The following SPIDR variants were observed in gnomAD, a reference collection of about 807,000 sequenced individuals.
SPIDR encodes the protein scaffold protein involved in DNA repair.
A neutral mutation model predicts 104.6 loss-of-function variants in SPIDR; 93 were observed. The ratio of observed to expected loss-of-function variants is 0.89; its 90% CI spans 0.75 to 1.06. The LOEUF (loss-of-function observed/expected upper bound fraction) is 1.06, where lower values mean the gene tolerates loss of function less well. Among genes scored for constraint, SPIDR ranks in the 50% least tolerant of loss-of-function variants. SPIDR has a pLI of 0.00. For missense variants in SPIDR, 1,154 were observed against 1,111.2 expected, an observed-to-expected ratio of 1.04 and a Z score of -0.55; for synonymous variants, 431 against 416.9, an observed-to-expected ratio of 1.03 and a Z score of -0.41.
At chr8:47,383,352 T>C (rs1303640381) in intron 5 of SPIDR, among the ~76,000 whole-genome samples, 2 of 152,238 alleles carry the variant, frequency 1.3e-5, no homozygotes, top group Non-Finnish European at 2.9e-5. Context: ...ACCAACTGAC[T>C]CTTTCTCTGA....
In SPIDR at chr8:47,682,276, C is replaced by CAAAAAAAAAAAAAAAAAAAAAAAAAAAAA; in HGVS notation, c.1685+8335_1685+8336insAAAAAAAAAAAAAAAAAAAAAAAAAAAAA. On this transcript the variant is annotated intron_variant, in intron 11 of 19. Transcript: ENST00000297423. ...GTCCAAAAAAAAAAAAAAAAAAAAACCCAGACACAAAAGGTCTCATGCCTT... is the reference window on the plus strand; with the variant it reads ...GTCCAAAAAAAAAAAAAAAAAAAAACAAAAAAAAAAAAAAAAAAAAAAAAAAAAACCAGACACAAAAGGTCTCATGCCTT... Among the ~76,000 whole-genome samples the CAAAAAAAAAAAAAAAAAAAAAAAAAAAAA allele has an allele frequency of 1.4e-5, 2 of 145,514 alleles. 1 individual carries two copies. Among genetic ancestry groups the CAAAAAAAAAAAAAAAAAAAAAAAAAAAAA allele is most frequent in the African/African-American group, 5.1e-5 (2 of 39,586 alleles).
chr8:47,459,313 G>A (rs1208479960), intron 8 of SPIDR, among the ~76,000 whole-genome samples: 11 of 151,860 alleles, frequency 7.2e-5, no homozygotes, highest in Non-Finnish European at 1.2e-4. Flanking sequence ...TTTCAACCTC[G>A]CTGCTTTTTA....
At chr8:47,731,231 C>T (rs187197574) in intron 19 of SPIDR, among the ~76,000 whole-genome samples, 34 of 150,514 alleles carry the variant, frequency 2.3e-4, no homozygotes, top group African/African-American at 7.6e-4. Context: ...CCAGCCTGGG[C>T]GACAGAGCAA....
chr8:47,664,743 C>CAAAA (rs771963348), intron 10 of SPIDR, among the ~76,000 whole-genome samples: 157 of 59,744 alleles, frequency 2.6e-3, no homozygotes, highest in East Asian at 4.9e-3. Context: ...CCCATCTCTA[C>CAAAA]AAAAAAAAAA....
At chr8:47,298,004 C>G (rs1341878919) in intron 5 of SPIDR, among the ~76,000 whole-genome samples, 2 of 152,180 alleles carry the variant, frequency 1.3e-5, no homozygotes, top group Non-Finnish European at 2.9e-5. Context: ...AATGGTATTT[C>G]TAGTTCTAGA....
intron 7 of SPIDR, among the ~76,000 whole-genome samples, chr8:47,416,451 A>G (rs1297846151): frequency 1.3e-5 from 2 of 152,120 alleles, no homozygotes; most frequent in African/African-American, 4.8e-5. Flanking sequence ...GGTTGTTTCC[A>G]TATTTGAGTC....
At chr8:47,364,756 T>C (rs923113077) in intron 5 of SPIDR, among the ~76,000 whole-genome samples, 2 of 152,220 alleles carry the variant, frequency 1.3e-5, no homozygotes, top group East Asian at 3.8e-4. Flanking sequence ...AAAAAAAGTC[T>C]GTTAAAAAGC....
intron 7 of SPIDR, among the ~76,000 whole-genome samples, chr8:47,418,479 G>C (rs782637204): frequency 6.6e-6 from 1 of 152,178 alleles, no homozygotes; most frequent in Non-Finnish European, 1.5e-5. Context: ...TGTATCCTGA[G>C]ACTTTGCTGA....
intron 7 of SPIDR, among the ~76,000 whole-genome samples, chr8:47,425,399 CAG>C (rs1377101404): frequency 2.0e-5 from 3 of 152,002 alleles, no homozygotes; most frequent in Admixed American, 2.0e-4. Context: ...GGATGACAAG[CAG>C]AGAGAGAAAA....
intron 5 of SPIDR, among the ~76,000 whole-genome samples, chr8:47,342,790 T>C (rs1303420731): frequency 2.0e-5 from 3 of 152,180 alleles, no homozygotes; most frequent in African/African-American, 4.8e-5. Context: ...TTTCTGACTT[T>C]AGGCTGTACT....
At position 47,727,311 on chromosome 8, in the gene SPIDR, G is replaced by A; in HGVS notation, c.2435+18G>A. The A allele has an allele frequency of 6.2e-7, 1 of 1,612,250 alleles. No homozygotes were observed. On this transcript the variant is annotated intron_variant, in intron 17 of 19. Coordinates refer to ENST00000297423, the MANE Select transcript of SPIDR (RefSeq NM_001080394.4). ...GAAGACAGGTAAGGGGACAGGAGCTGTCCTGAAAGCCCTAGAACTGAAAGG... is the reference window on the plus strand; with the variant it reads ...GAAGACAGGTAAGGGGACAGGAGCTATCCTGAAAGCCCTAGAACTGAAAGG...
At chr8:47,482,934 C>CT (rs2077064932) in intron 8 of SPIDR, among the ~76,000 whole-genome samples, 1 of 152,064 alleles carries the variant, frequency 6.6e-6, no homozygotes, top group Non-Finnish European at 1.5e-5. Context: ...AGTGTTTCTA[C>CT]TCCTTTCCTT....
At chr8:47,678,532 G>C (rs990145725) in intron 11 of SPIDR, among the ~76,000 whole-genome samples, 3 of 152,216 alleles carry the variant, frequency 2.0e-5, no homozygotes, top group Admixed American at 6.5e-5. Context: ...CAGAAGGATA[G>C]CTGGTGATGC....
intron 5 of SPIDR, among the ~76,000 whole-genome samples, chr8:47,310,275 A>G (rs1450400878): frequency 6.8e-6 from 1 of 146,524 alleles, no homozygotes; most frequent in Non-Finnish European, 1.5e-5. Context: ...TGGAGGTCGC[A>G]GTGAGCTGAG....
intron 8 of SPIDR, among the ~76,000 whole-genome samples, chr8:47,482,622 A>G (rs1295537001): frequency 1.3e-5 from 2 of 151,694 alleles, no homozygotes; most frequent in African/African-American, 4.8e-5. Context: ...AAGCGAGGCA[A>G]CTGCAGGTGA....
chr8:47,621,995 T>C (rs1158202125), intron 10 of SPIDR, among the ~76,000 whole-genome samples: 1 of 152,094 alleles, frequency 6.6e-6, no homozygotes, highest in Non-Finnish European at 1.5e-5. Flanking sequence ...GAAAGGTAGA[T>C]TGAGATCATG....
intron 7 of SPIDR, among the ~76,000 whole-genome samples, chr8:47,430,783 G>A (rs368881285): frequency 2.0e-5 from 3 of 152,290 alleles, no homozygotes; most frequent in East Asian, 1.9e-4. Flanking sequence ...TTTGTCATTA[G>A]CCATATGACC....
intron 7 of SPIDR, among the ~76,000 whole-genome samples, chr8:47,433,727 T>G (rs1585633964): frequency 6.6e-6 from 1 of 152,252 alleles, no homozygotes; most frequent in South Asian, 2.1e-4. Context: ...TTTGTTTATA[T>G]AATTGTGCTA....
chr8:47,445,806 G>C (rs1198603240), intron 8 of SPIDR, among the ~76,000 whole-genome samples: 1 of 152,190 alleles, frequency 6.6e-6, no homozygotes, highest in Non-Finnish European at 1.5e-5. Context: ...CTGGATAGGA[G>C]CTCAAACAAG....
Sources: allele counts gnomAD v4.1 joint callset (sites outside exome capture counted in the v4.1 genomes callset), GRCh38; gene constraint gnomAD v4.1.1; transcripts MANE v1.5; gene names NCBI Gene and HGNC (gene_info 2026-07-23, HGNC 2026-07-21).